NAV2: variants seen among roughly 807,000 people sequenced by gnomAD.
NAV2 encodes neuron navigator 2.
NAV2 carries 54 observed loss-of-function variants against 223.2 expected under a neutral mutation model. The observed-to-expected ratio is 0.24, with a 90% confidence interval of 0.19 to 0.30. The LOEUF (loss-of-function observed/expected upper bound fraction) is 0.30, where lower values mean the gene tolerates loss of function less well. Among genes scored for constraint, NAV2 ranks in the 10% least tolerant of loss-of-function variants. The pLI, the probability that NAV2 is intolerant of heterozygous loss-of-function variation, is 1.00. For synonymous variants in NAV2, 1,279 were observed against 1,239.3 expected, an observed-to-expected ratio of 1.03 and a Z score of -0.67; for missense variants, 2,806 against 3,147.5, an observed-to-expected ratio of 0.89 and a Z score of 2.60.
chr11:19,354,018 T>A (rs969914222), intron 1 of NAV2, among the ~76,000 whole-genome samples: 1 of 152,178 alleles, frequency 6.6e-6, no homozygotes, highest in Non-Finnish European at 1.5e-5. Context: ...CTGGATAGAG[T>A]TACACTGTAG....
chr11:19,991,286 C>G (rs138872546), intron 11 of NAV2, among the ~76,000 whole-genome samples: 1 of 151,850 alleles, frequency 6.6e-6, no homozygotes, highest in Non-Finnish European at 1.5e-5. Context: ...CCACTGCACC[C>G]GGCTAATTTT....
chr11:19,606,826 G>T (rs2046485550), intron 1 of NAV2, among the ~76,000 whole-genome samples: 1 of 152,174 alleles, frequency 6.6e-6, no homozygotes, highest in Non-Finnish European at 1.5e-5. Context: ...CTGTTATCAA[G>T]CTAATTGCAA....
chr11:20,117,612 C>G (rs2063226269), intron 37 of NAV2, among the ~76,000 whole-genome samples: 1 of 152,098 alleles, frequency 6.6e-6, no homozygotes. Context: ...CCAGTCTGAC[C>G]TGGCCAGAGC....
chr11:19,623,795 C>A (rs773490059), intron 1 of NAV2, among the ~76,000 whole-genome samples: 3 of 152,196 alleles, frequency 2.0e-5, no homozygotes, highest in Non-Finnish European at 2.9e-5. Flanking sequence ...CAGCTTTATT[C>A]CATTGCTGGT....
At chr11:20,087,420 G>A (rs2005163) in intron 26 of NAV2, among the ~76,000 whole-genome samples, 35,943 of 152,090 alleles carry the variant, frequency 0.24, 4,763 homozygotes, top group East Asian at 0.59. Context: ...ACCTCGAAGG[G>A]TTTGTAAGAA....
At chr11:20,039,028 C>G (rs914491590) in intron 12 of NAV2, among the ~76,000 whole-genome samples, 1 of 152,194 alleles carries the variant, frequency 6.6e-6, no homozygotes, top group African/African-American at 2.4e-5. Context: ...AGGTGCCCAG[C>G]TGTCCAGCAT....
At chr11:19,362,424 T>C (rs1173006997) in intron 1 of NAV2, among the ~76,000 whole-genome samples, 1 of 152,236 alleles carries the variant, frequency 6.6e-6, no homozygotes, top group East Asian at 1.9e-4. Flanking sequence ...TCTTGGGTTT[T>C]GATGAGCTAC....
chr11:19,994,502 C>T (rs768444793), intron 11 of NAV2, among the ~76,000 whole-genome samples: 5 of 150,512 alleles, frequency 3.3e-5, no homozygotes, highest in South Asian at 2.1e-4. Context: ...GCCCAGATCA[C>T]GCCACTGCCC....
intron 1 of NAV2, among the ~76,000 whole-genome samples, chr11:19,660,495 T>C (rs2048247997): frequency 1.3e-5 from 2 of 151,872 alleles, no homozygotes; most frequent in Admixed American, 1.3e-4. Context: ...CACTGGGCAA[T>C]GTCAGGAGAA....
chr11:19,354,700 A>G (rs554295443), intron 1 of NAV2, among the ~76,000 whole-genome samples: 68 of 152,390 alleles, frequency 4.5e-4, no homozygotes, highest in Non-Finnish European at 8.4e-4. Flanking sequence ...CCACAGATGC[A>G]TAAGGTATTA....
chr11:19,453,192 G>A (rs1205338797), intron 1 of NAV2, among the ~76,000 whole-genome samples: 8 of 152,292 alleles, frequency 5.3e-5, no homozygotes, highest in South Asian at 2.1e-4. Flanking sequence ...CAGACACCTC[G>A]TGTTTTTTGT....
At chr11:19,553,987 C>G (rs1400928031) in intron 1 of NAV2, among the ~76,000 whole-genome samples, 13 of 152,238 alleles carry the variant, frequency 8.5e-5, no homozygotes, top group Admixed American at 8.5e-4. Flanking sequence ...AAAGAGGCTG[C>G]TTTCTGTTCC....
chr11:19,671,992 T>G (rs2048584351), intron 1 of NAV2, among the ~76,000 whole-genome samples: 1 of 152,148 alleles, frequency 6.6e-6, no homozygotes, highest in South Asian at 2.1e-4. Context: ...GCCATTACAA[T>G]AGTGATGGGT....
chr11:19,656,340 T>C (rs1000082233), intron 1 of NAV2, among the ~76,000 whole-genome samples: 12 of 152,094 alleles, frequency 7.9e-5, no homozygotes, highest in African/African-American at 2.9e-4. Flanking sequence ...TTTACTGGAC[T>C]CTCCAGCTCA....
At chr11:20,082,639 C>T (rs1393903113) in intron 25 of NAV2, 2 of 1,600,380 alleles carry the variant, frequency 1.2e-6, no homozygotes, top group African/African-American at 2.7e-5. Flanking sequence ...ACCAAGCTAA[C>T]CCATCCATTG....
chr11:20,088,740 G>A (rs2060620980), intron 26 of NAV2, among the ~76,000 whole-genome samples: 1 of 152,210 alleles, frequency 6.6e-6, no homozygotes, highest in South Asian at 2.1e-4. Context: ...TCTGGGAAAA[G>A]GGTGCAGATC....
chr11:20,018,953 C>T (rs2054252492), intron 11 of NAV2, among the ~76,000 whole-genome samples: 1 of 152,156 alleles, frequency 6.6e-6, no homozygotes, highest in Non-Finnish European at 1.5e-5. Context: ...TGGGAAGAAG[C>T]TTGGTGCATT....
intron 36 of NAV2, chr11:20,114,371 C>G: frequency 1.7e-6 from 1 of 585,254 alleles, no homozygotes; most frequent in Non-Finnish European, 3.1e-6. Flanking sequence ...AGCCTGACTC[C>G]AAAGCCTGTA....
At chr11:19,578,206 C>T (rs1273224496) in intron 1 of NAV2, among the ~76,000 whole-genome samples, 1 of 152,250 alleles carries the variant, frequency 6.6e-6, no homozygotes, top group Non-Finnish European at 1.5e-5. Context: ...CCGGCTCTGC[C>T]TGCGAGCTGG....
Sources: allele counts gnomAD v4.1 joint callset (sites outside exome capture counted in the v4.1 genomes callset), GRCh38; gene constraint gnomAD v4.1.1; transcripts MANE v1.5; gene names NCBI Gene and HGNC (gene_info 2026-07-23, HGNC 2026-07-21).